PPFIA2: variants seen among roughly 807,000 people sequenced by gnomAD.
PPFIA2 encodes the protein PPFI scaffold protein A2, also known as liprin-alpha-2.
PPFIA2 carries 46 observed loss-of-function variants against 175.5 expected under a neutral mutation model. The ratio of observed to expected loss-of-function variants is 0.26; its 90% CI spans 0.21 to 0.34. The LOEUF (loss-of-function observed/expected upper bound fraction) is 0.34. PPFIA2 is among the 10% of genes least tolerant of loss of function. PPFIA2 has a pLI of 1.00. For synonymous variants in PPFIA2, 568 were observed against 511.4 expected (o/e 1.11, Z -1.49); for missense variants, 1,179 against 1,506.1 (o/e 0.78, Z 3.60).
chr12:81,696,604 A>T (rs890134780), intron 3 of PPFIA2, among the ~76,000 whole-genome samples: 8 of 152,136 alleles, frequency 5.3e-5, no homozygotes, highest in Admixed American at 5.2e-4. Flanking sequence ...TCGAATGGGG[A>T]CCTCATTGAA....
intron 28 of PPFIA2, chr12:81,270,853 T>G (rs780425594): frequency 7.9e-5 from 12 of 152,230 alleles, no homozygotes; most frequent in Non-Finnish European, 1.3e-4. Context: ...TTTTAAGGTT[T>G]GTCAGTTTTT....
chr12:81,648,304 A>T (rs118103515), intron 4 of PPFIA2, among the ~76,000 whole-genome samples: 1,857 of 152,152 alleles, frequency 0.012, 13 homozygotes, highest in Non-Finnish European at 0.02. Flanking sequence ...ATTAAAATGA[A>T]ATGAAACACA....
intron 4 of PPFIA2, among the ~76,000 whole-genome samples, chr12:81,482,925 T>C (rs2058411508): frequency 6.6e-6 from 1 of 152,100 alleles, no homozygotes. Flanking sequence ...ATAAACTGTG[T>C]TCCAGTGCTA....
At chr12:81,449,488 C>CAAAA (rs552912790) in intron 5 of PPFIA2, among the ~76,000 whole-genome samples, 17 of 93,270 alleles carry the variant, frequency 1.8e-4, no homozygotes, top group Non-Finnish European at 2.6e-4. Flanking sequence ...TTACTTCAGA[C>CAAAA]AAAAAAAAAA....
chr12:81,483,555 T>C (rs1442103350), intron 4 of PPFIA2, among the ~76,000 whole-genome samples: 1 of 151,982 alleles, frequency 6.6e-6, no homozygotes, highest in Non-Finnish European at 1.5e-5. Flanking sequence ...TAATTGCTAA[T>C]AGATACAGAG....
chr12:81,573,523 G>A (rs2072955215), intron 4 of PPFIA2, among the ~76,000 whole-genome samples: 1 of 151,916 alleles, frequency 6.6e-6, no homozygotes, highest in East Asian at 1.9e-4. Flanking sequence ...AGGAACTGCA[G>A]AATCAGTAAC....
Position 81,445,641 on chromosome 12 carries a change from T to A in PPFIA2, c.485A>T (p.Gln162Leu), listed in dbSNP as rs1322961143. 2.5e-6 allele frequency: 4 copies of A among 1,613,830 alleles called. No individual in the cohort carries two copies. Among genetic ancestry groups the A allele is most frequent in the Non-Finnish European group, 3.4e-6 (4 of 1,179,862 alleles). ...LRMTVVKRQAQSPSGVSSEVE... is the reference protein window; with the variant it reads ...LRMTVVKRQALSPSGVSSEVE... ...TTCACTGGATACTCCTGAGGGAGAC[T>A]GGGCTTGCCGTTTTACCACCGTCAT... Residue 162 changes from glutamine to leucine, a missense_variant, in exon 6 of 33, where the codon CAG (glutamine) becomes CTG (leucine). Gln to Leu is a moderately radical substitution (Grantham distance 113). Around this residue, in one of 10 missense-constraint regions of PPFIA2, gnomAD observed 49 missense variants for 108.9 expected, o/e 0.45. Coordinates refer to ENST00000549396, the MANE Select transcript of PPFIA2 (RefSeq NM_003625.5).
chr12:81,592,378 G>C (rs1169134825), intron 4 of PPFIA2, among the ~76,000 whole-genome samples: 1 of 152,114 alleles, frequency 6.6e-6, no homozygotes, highest in Admixed American at 6.6e-5. Flanking sequence ...GGCATGATTG[G>C]TTTTAAAATG....
At chr12:81,623,265 G>A (rs1277939070) in intron 4 of PPFIA2, among the ~76,000 whole-genome samples, 1 of 152,036 alleles carries the variant, frequency 6.6e-6, no homozygotes, top group Admixed American at 6.6e-5. Context: ...TTTATTTAGA[G>A]ATGTGAGCCT....
intron 4 of PPFIA2, among the ~76,000 whole-genome samples, chr12:81,505,357 G>A (rs1037974870): frequency 1.3e-4 from 20 of 152,074 alleles, no homozygotes; most frequent in African/African-American, 4.6e-4. Context: ...TGAATATGTT[G>A]AAAGTAATGG....
intron 4 of PPFIA2, among the ~76,000 whole-genome samples, chr12:81,584,850 A>T (rs1254533589): frequency 8.1e-6 from 1 of 124,020 alleles, no homozygotes; most frequent in Non-Finnish European, 1.6e-5. Flanking sequence ...TTTTATAATT[A>T]TAAATATAAT....
chr12:81,642,683 C>CATACACGTGTATGTATA (rs1567686433), intron 4 of PPFIA2, among the ~76,000 whole-genome samples: 1 of 35,980 alleles, frequency 2.8e-5, no homozygotes, highest in Non-Finnish European at 5.3e-5. Flanking sequence ...ATGTATGTAT[C>CATACACGTGTATGTATA]TATTATATAC....
At chr12:81,362,555 C>G (rs1433433105) in intron 15 of PPFIA2, 138 bp downstream of exon 15, 2 of 464,556 alleles carry the variant, frequency 4.3e-6, no homozygotes, top group African/African-American at 4.0e-5. Context: ...AACTGCAAAT[C>G]AGTGAAGAGT....
At chr12:81,358,252 T>C (rs1303222164) in intron 15 of PPFIA2, 35 bp from the exon 16 acceptor site, 1 of 1,538,434 alleles carries the variant, frequency 6.5e-7, no homozygotes, top group East Asian at 2.4e-5. Flanking sequence ...TAATCCAATC[T>C]CAAAAATTAA....
chr12:81,588,989 G>A (rs1317008572), intron 4 of PPFIA2, among the ~76,000 whole-genome samples: 1 of 152,090 alleles, frequency 6.6e-6, no homozygotes, highest in South Asian at 2.1e-4. Flanking sequence ...GCCTAAACCT[G>A]AGAATCATAA....
chr12:81,643,217 T>C (rs2065598570), intron 4 of PPFIA2, among the ~76,000 whole-genome samples: 1 of 151,672 alleles, frequency 6.6e-6, no homozygotes, highest in Non-Finnish European at 1.5e-5. Context: ...TCAAAGGGAT[T>C]ATGATTTGAA....
intron 28 of PPFIA2, among the ~76,000 whole-genome samples, chr12:81,274,133 C>T (rs1193036402): frequency 6.6e-6 from 1 of 152,136 alleles, no homozygotes; most frequent in African/African-American, 2.4e-5. Context: ...ATTCTAACAA[C>T]TGGTTACCCT....
intron 24 of PPFIA2, 57 bp from the exon 25 acceptor site, chr12:81,284,360 A>T: frequency 7.7e-7 from 1 of 1,291,276 alleles, no homozygotes; most frequent in Non-Finnish European, 1.1e-6. Context: ...GCAGTGGTAA[A>T]GAAGAAAGGC....
chr12:81,548,462 G>T (rs1169171626), intron 4 of PPFIA2, among the ~76,000 whole-genome samples: 5 of 152,076 alleles, frequency 3.3e-5, no homozygotes, highest in Admixed American at 1.3e-4. Flanking sequence ...CAAAGCTGGA[G>T]AATAATAAAG....
Sources: gnomAD v4.1 joint callset for allele counts (sites outside exome capture counted in the v4.1 genomes callset) on GRCh38, gnomAD v4.1.1 for gene constraint, gnomAD v4.1.1 regional missense constraint, MANE v1.5 for transcripts, NCBI Gene and HGNC (gene_info 2026-07-23, HGNC 2026-07-21) for gene names.